Variants in ZFHX3 observed in about 807,000 individuals in gnomAD.
ZFHX3 encodes the protein zinc finger homeobox protein 3.
A neutral mutation model predicts 279.1 loss-of-function variants in ZFHX3; 42 were observed. The ratio of observed to expected loss-of-function variants is 0.15; its 90% CI spans 0.12 to 0.19. The LOEUF (loss-of-function observed/expected upper bound fraction) is 0.19, where lower values mean the gene tolerates loss of function less well. ZFHX3 is among the 10% of genes least tolerant of loss of function. The pLI is 1.00. For missense variants in ZFHX3, 4,981 were observed against 4,754.0 expected, an observed-to-expected ratio of 1.05 and a Z score of -1.40; for synonymous variants, 2,293 against 1,957.8, an observed-to-expected ratio of 1.17 and a Z score of -4.52.
chr16:73,281,306 G>A (rs1166657336), intron 4 of ZFHX3, among the ~76,000 whole-genome samples: 1 of 152,186 alleles, frequency 6.6e-6, no homozygotes, highest in African/African-American at 2.4e-5. Context: ...CCCTAAAAAA[G>A]AGGGAAACCC....
chr16:73,016,273 T>C (rs1268367803), intron 1 of ZFHX3, among the ~76,000 whole-genome samples: 1 of 152,224 alleles, frequency 6.6e-6, no homozygotes, highest in Non-Finnish European at 1.5e-5. Context: ...TTAACATGAA[T>C]TGTGTTTTGG....
At chr16:73,411,021 T>C (rs1039182396) in intron 3 of ZFHX3, among the ~76,000 whole-genome samples, 1 of 152,130 alleles carries the variant, frequency 6.6e-6, no homozygotes, top group African/African-American at 2.4e-5. Context: ...ATAAGATGGA[T>C]ATGGGTTGCT....
At chr16:73,440,934 G>A (rs1051472879) in intron 3 of ZFHX3, among the ~76,000 whole-genome samples, 7 of 152,158 alleles carry the variant, frequency 4.6e-5, no homozygotes, top group African/African-American at 1.7e-4. Context: ...GTCACAAACA[G>A]ATTTCCATGA....
intron 5 of ZFHX3, among the ~76,000 whole-genome samples, chr16:73,244,485 A>T (rs980240782): frequency 6.6e-6 from 1 of 152,242 alleles, no homozygotes; most frequent in Non-Finnish European, 1.5e-5. Flanking sequence ...CTTTGGGAAC[A>T]AGGCAACTGA....
intron 2 of ZFHX3, among the ~76,000 whole-genome samples, chr16:73,672,305 A>G (rs2052911833): frequency 6.6e-6 from 1 of 152,186 alleles, no homozygotes; most frequent in South Asian, 2.1e-4. Context: ...ACCAAAATAT[A>G]TCACCAATAT....
At chr16:73,782,343 A>G (rs1293317366) in intron 1 of ZFHX3, among the ~76,000 whole-genome samples, 1 of 152,240 alleles carries the variant, frequency 6.6e-6, no homozygotes, top group African/African-American at 2.4e-5. Flanking sequence ...GAATCTGTCA[A>G]AAGTTACAGA....
intron 2 of ZFHX3, among the ~76,000 whole-genome samples, chr16:73,597,933 T>C (rs961448347): frequency 1.1e-4 from 17 of 152,136 alleles, no homozygotes; most frequent in Non-Finnish European, 2.2e-4. Flanking sequence ...AATGAATAAA[T>C]GTTGAAGCTG....
At chr16:73,408,687 G>A (rs56293178) in intron 3 of ZFHX3, among the ~76,000 whole-genome samples, 30,706 of 152,070 alleles carry the variant, frequency 0.2, 3,695 homozygotes, top group Middle Eastern at 0.35. Context: ...TCAGGACAGC[G>A]GTGGCCTGGA....
chr16:73,533,099 G>A (rs539206943), intron 2 of ZFHX3, among the ~76,000 whole-genome samples: 8 of 152,116 alleles, frequency 5.3e-5, no homozygotes, highest in Middle Eastern at 3.4e-3. Flanking sequence ...GCGCTGTTAC[G>A]CTGCCAGGCC....
At chr16:73,056,417 G>A (rs1325317806) in intron 1 of ZFHX3, among the ~76,000 whole-genome samples, 1 of 151,752 alleles carries the variant, frequency 6.6e-6, no homozygotes, top group Non-Finnish European at 1.5e-5. Flanking sequence ...AAGATAAGAA[G>A]AGGGCCCCCC....
At chr16:73,652,048 C>A (rs1326947895) in intron 2 of ZFHX3, among the ~76,000 whole-genome samples, 1 of 151,884 alleles carries the variant, frequency 6.6e-6, no homozygotes, top group Non-Finnish European at 1.5e-5. Flanking sequence ...AGACCCTCAC[C>A]AAAAATCTGG....
At chr16:73,877,099 T>C (rs1033737217) in intron 1 of ZFHX3, among the ~76,000 whole-genome samples, 3 of 146,548 alleles carry the variant, frequency 2.0e-5, no homozygotes, top group Non-Finnish European at 4.5e-5. Context: ...AATGTAAAAA[T>C]TGTTAATCTT....
intron 2 of ZFHX3, among the ~76,000 whole-genome samples, chr16:73,621,831 A>G (rs543474382): frequency 6.6e-6 from 1 of 152,318 alleles, no homozygotes; most frequent in South Asian, 2.1e-4. Context: ...ACAGCTTAGG[A>G]GTTTCAAACA....
At chr16:73,388,710 T>A (rs2016950812) in intron 3 of ZFHX3, 1 of 152,242 alleles carries the variant, frequency 6.6e-6, no homozygotes, top group African/African-American at 2.4e-5. Context: ...CTGGCCCAAC[T>A]TCCCTATTAG....
chr16:73,263,522 A>C (rs931916279), intron 4 of ZFHX3, among the ~76,000 whole-genome samples: 1 of 152,120 alleles, frequency 6.6e-6, no homozygotes, highest in Non-Finnish European at 1.5e-5. Context: ...TTCTCCACCT[A>C]GATTGACTGT....
chr16:73,443,386 T>C (rs1405146582), intron 3 of ZFHX3, among the ~76,000 whole-genome samples: 5 of 152,228 alleles, frequency 3.3e-5, no homozygotes, highest in East Asian at 1.9e-4. Flanking sequence ...CCGGACATGA[T>C]AACGATGTAC....
At chr16:73,400,786 A>G (rs539073362) in intron 3 of ZFHX3, 1 of 152,258 alleles carries the variant, frequency 6.6e-6, no homozygotes, top group South Asian at 2.1e-4. Flanking sequence ...GTTGTCCTTA[A>G]AAAAGGGATA....
intron 2 of ZFHX3, among the ~76,000 whole-genome samples, chr16:73,513,966 A>G (rs1309252689): frequency 6.6e-6 from 1 of 152,136 alleles, no homozygotes; most frequent in Non-Finnish European, 1.5e-5. Context: ...AAAGAAAGTG[A>G]TATTGGAGGC....
At chr16:73,752,089 T>C (rs1308925618) in intron 1 of ZFHX3, among the ~76,000 whole-genome samples, 2 of 152,132 alleles carry the variant, frequency 1.3e-5, no homozygotes, top group Non-Finnish European at 2.9e-5. Flanking sequence ...AGGATGGAGC[T>C]GTGGTCCAGA....
Sources: allele counts gnomAD v4.1 joint callset (sites outside exome capture counted in the v4.1 genomes callset), GRCh38; gene constraint gnomAD v4.1.1; transcripts MANE v1.5; gene names NCBI Gene and HGNC (gene_info 2026-07-23, HGNC 2026-07-21).